ELAVL4: variants seen among roughly 807,000 people sequenced by gnomAD.
ELAVL4 encodes ELAV-like protein 4.
A neutral mutation model predicts 35.6 loss-of-function variants in ELAVL4; 1 was observed. That is an observed-to-expected ratio of 0.03 (90% confidence interval 0.01 to 0.13). The LOEUF is 0.13. Ranked by LOEUF, ELAVL4 falls within the 10% of genes least tolerant of loss-of-function variation. The probability of loss-of-function intolerance (pLI) is 1.00; values close to 1 mark genes in which losing one functional copy is unlikely to be tolerated. For synonymous variants in ELAVL4, 156 were observed against 171.0 expected (o/e 0.91, Z 0.69); for missense variants, 267 against 464.9 (o/e 0.57, Z 3.91).
intron 2 of ELAVL4, among the ~76,000 whole-genome samples, chr1:50,170,327 T>G (rs1678768157): frequency 6.6e-6 from 1 of 152,174 alleles, no homozygotes; most frequent in South Asian, 2.1e-4. Flanking sequence ...AGACGCAAAG[T>G]AAGAATGTAA....
intron 2 of ELAVL4, among the ~76,000 whole-genome samples, chr1:50,147,656 T>C (rs1244154840): frequency 6.6e-6 from 1 of 152,158 alleles, no homozygotes. Flanking sequence ...AATGACATCA[T>C]GGGTATTTTT....
chr1:50,182,309 G>A (rs192096934), intron 3 of ELAVL4, among the ~76,000 whole-genome samples: 101 of 152,352 alleles, frequency 6.6e-4, no homozygotes, highest in African/African-American at 2.1e-3. Context: ...TCAGTAAAAA[G>A]TGATCCAAAA....
rs532944147 is a variant in ELAVL4, at chr1:50,192,468, G to T, written c.355-1297G>T. Among the ~76,000 whole-genome samples the T allele has an allele frequency of 2.0e-4, 30 of 149,120 alleles. No individual in the cohort carries two copies. The South Asian group carries it at 3.2e-3, about 16-fold the overall frequency. ...TGGAGGTTTAGGTCTTAATGTCAAA[G>T]GTCTGGTTTAATGTGTTCAATTCCT... is the stretch of plus-strand genomic sequence containing the variant. On this transcript the variant is annotated intron_variant, in intron 3 of 6. Transcript: ENST00000371824.
chr1:50,200,401 A>G (rs556888353), intron 6 of ELAVL4, among the ~76,000 whole-genome samples: 37 of 152,220 alleles, frequency 2.4e-4, no homozygotes, highest in African/African-American at 8.2e-4. Flanking sequence ...ATGTGTCACT[A>G]TATCTGTGAG....
intron 2 of ELAVL4, among the ~76,000 whole-genome samples, chr1:50,171,024 C>G (rs142866533): frequency 2.6e-3 from 392 of 152,160 alleles, no homozygotes; most frequent in African/African-American, 8.9e-3. Flanking sequence ...AAGAATGAGA[C>G]AAAACAAGCA....
rs183365047 is a variant in ELAVL4 at position 50,112,665 on chromosome 1, A to T, written c.9+3467A>T. Among the ~76,000 whole-genome samples, 42 of 152,268 alleles carry T rather than the reference A, an allele frequency of 2.8e-4. No individual in the cohort carries two copies. In the East Asian group the frequency reaches 5.2e-3, roughly 19 times the overall value. On this transcript the variant is annotated intron_variant, in intron 1 of 6. Transcript: ENST00000371824. The stretch of plus-strand genomic sequence containing the variant: ...GAAGTAGCTGAAAAATTACTTTGAG[A>T]ATTGTTGATTTACAAGACAATTTAA...
At chr1:50,164,430 G>T (rs1677371972) in intron 2 of ELAVL4, among the ~76,000 whole-genome samples, 2 of 152,134 alleles carry the variant, frequency 1.3e-5, no homozygotes, top group Non-Finnish European at 2.9e-5. Flanking sequence ...TTCTTCCACT[G>T]CCTGACTCTC....
Position 50,109,016 on chromosome 1 carries a change from C to CGCGGGG in ELAVL4, c.-174_-173insGCGGGG. 1 of 905,772 alleles carries CGCGGGG rather than the reference C, an allele frequency of 1.1e-6. No homozygotes were observed. The highest frequency in any genetic ancestry group is 1.3e-6 in the Non-Finnish European group (1 of 761,390). The allele number at this position is 905,772 out of a possible 1,614,324, so 56.1% of individuals were successfully genotyped here. ...CTCCTTTTCTTTTTTTTCTTTCTCT[C>CGCGGGG]CCCCGCCCACCCCCCCAAAAATAAT... is the stretch of plus-strand genomic sequence containing the variant. On this transcript the variant is annotated 5_prime_UTR_variant, in exon 1 of 7. Coordinates refer to ENST00000371824, the MANE Select transcript of ELAVL4 (RefSeq NM_001144774.3).
chr1:50,175,970 A>G (rs1679962559), intron 2 of ELAVL4: 1 of 152,172 alleles, frequency 6.6e-6, no homozygotes, highest in African/African-American at 2.4e-5. Flanking sequence ...CCACAAATCA[A>G]TAACATTGCT....
intron 2 of ELAVL4, among the ~76,000 whole-genome samples, chr1:50,172,507 G>A (rs991372803): frequency 6.6e-5 from 10 of 152,008 alleles, no homozygotes; most frequent in African/African-American, 2.4e-4. Context: ...ACAGCTCATG[G>A]GCCAAATTGG....
In ELAVL4 at chr1:50,112,528, TCTGA is replaced by T. The variant is rs780878760; in HGVS notation, c.9+3333_9+3336del. 3.7e-4 allele frequency among the ~76,000 whole-genome samples: 56 copies of T among 152,264 alleles called. No individual in the cohort carries two copies. The East Asian group carries it at 8.5e-3, about 23-fold the overall frequency. On this transcript the variant is annotated intron_variant, in intron 1 of 6. Coordinates refer to ENST00000371824, the MANE Select transcript of ELAVL4 (RefSeq NM_001144774.3). The stretch of plus-strand genomic sequence containing the variant: ...ATTGGAAATATTTCTGCAAAAAACA[TCTGA>T]CTAAGTAGCAGTTTTAATGATCAGA...
At chr1:50,059,379 A>G (rs1417387153) in intron 1 of ELAVL4, among the ~76,000 whole-genome samples, 1 of 152,214 alleles carries the variant, frequency 6.6e-6, no homozygotes, top group African/African-American at 2.4e-5. Flanking sequence ...GAAGCCTCAT[A>G]TAAAATGAAA....
At chr1:50,194,845 A>C (rs1246600596) in intron 4 of ELAVL4, among the ~76,000 whole-genome samples, 1 of 152,182 alleles carries the variant, frequency 6.6e-6, no homozygotes, top group Non-Finnish European at 1.5e-5. Context: ...AGCAAAAAGG[A>C]GGGACAGAGC....
upstream of ELAVL4, among the ~76,000 whole-genome samples, chr1:50,099,200 T>C (rs1665847337): frequency 6.6e-6 from 1 of 152,212 alleles, no homozygotes; most frequent in Non-Finnish European, 1.5e-5. Context: ...TGTTATTCCA[T>C]GTGCTGGGGT....
At chr1:50,055,964 T>C (rs1572099125) in intron 1 of ELAVL4, among the ~76,000 whole-genome samples, 1 of 152,310 alleles carries the variant, frequency 6.6e-6, no homozygotes, top group East Asian at 1.9e-4. Flanking sequence ...GCTGGAGGTT[T>C]GAGTAGGACT....
At chr1:50,182,296 C>A (rs1048790061) in intron 3 of ELAVL4, among the ~76,000 whole-genome samples, 7 of 152,314 alleles carry the variant, frequency 4.6e-5, no homozygotes, top group Admixed American at 3.3e-4. Flanking sequence ...ACATTGAGAA[C>A]CTTCAGTAAA....
At chr1:50,063,494 G>T (rs754740190) in intron 1 of ELAVL4, among the ~76,000 whole-genome samples, 6 of 152,036 alleles carry the variant, frequency 3.9e-5, no homozygotes, top group Non-Finnish European at 8.8e-5. Context: ...CTTCCTCTAT[G>T]GCCACTGTCT....
At chr1:50,126,166 A>C (rs1362489849) in intron 1 of ELAVL4, among the ~76,000 whole-genome samples, 2 of 152,108 alleles carry the variant, frequency 1.3e-5, no homozygotes, top group Non-Finnish European at 2.9e-5. Flanking sequence ...CCCATTCTAT[A>C]ACTTTCAAAA....
At chr1:50,166,335 G>A (rs1359936452) in intron 2 of ELAVL4, among the ~76,000 whole-genome samples, 2 of 152,004 alleles carry the variant, frequency 1.3e-5, no homozygotes, top group Non-Finnish European at 1.5e-5. Flanking sequence ...AACCAGAAAC[G>A]CACCCATCCC....
Sources: gnomAD v4.1 joint callset for allele counts (sites outside exome capture counted in the v4.1 genomes callset) on GRCh38, gnomAD v4.1.1 for gene constraint, MANE v1.5 for transcripts, NCBI Gene and HGNC (gene_info 2026-07-23, HGNC 2026-07-21) for gene names.